RBM26: variants seen among roughly 807,000 people sequenced by gnomAD.
The protein encoded by RBM26 is RNA-binding protein 26.
Under a neutral mutation model 123.6 loss-of-function variants are expected in RBM26, and 30 were observed. That is an observed-to-expected ratio of 0.24 (90% CI 0.18 to 0.33). The LOEUF (loss-of-function observed/expected upper bound fraction) is 0.33. RBM26 is among the 10% of genes least tolerant of loss of function. RBM26 has a pLI of 1.00. For missense variants in RBM26, 947 were observed against 1,203.6 expected (o/e 0.79, Z 3.15); for synonymous variants, 400 against 404.4 (o/e 0.99, Z 0.13).
chr13:79,346,551 T>C (rs559640003), intron 14 of RBM26, among the ~76,000 whole-genome samples: 1 of 152,208 alleles, frequency 6.6e-6, no homozygotes, highest in South Asian at 2.1e-4. Context: ...GTTTTGTATT[T>C]TTTGTAGAGA....
At position 79,356,436 on chromosome 13, in the gene RBM26, T is replaced by A. The variant is rs538356268; in HGVS notation, c.1690-1052A>T. ...TGGAATCAAACTGCCTGGCTCAAAC[T>A]TTGGCAGCTACTCTCACATGAACAT... On this transcript the variant is annotated intron_variant, in intron 11 of 21. Coordinates refer to ENST00000438737, the MANE Select transcript of RBM26 (RefSeq NM_001366735.2). Among the ~76,000 whole-genome samples, 4 of 150,744 alleles carry A rather than the reference T, an allele frequency of 2.7e-5. No homozygotes were observed. The South Asian group carries it at 8.4e-4, about 32-fold the overall frequency.
At chr13:79,347,167 T>A (rs1348188886) in intron 14 of RBM26, among the ~76,000 whole-genome samples, 1 of 152,216 alleles carries the variant, frequency 6.6e-6, no homozygotes, top group African/African-American at 2.4e-5. Context: ...CCTTTATTCC[T>A]AGAAGTATTC....
intron 1 of RBM26, among the ~76,000 whole-genome samples, chr13:79,390,972 T>C (rs547637469): frequency 7.0e-4 from 107 of 152,322 alleles, no homozygotes; most frequent in African/African-American, 2.3e-3. Flanking sequence ...AGTATCTATT[T>C]AAGGTTGCAT....
intron 1 of RBM26, among the ~76,000 whole-genome samples, chr13:79,399,690 G>T (rs994010687): frequency 1.3e-5 from 2 of 152,092 alleles, no homozygotes; most frequent in African/African-American, 2.4e-5. Context: ...GAAAGGCCTA[G>T]AGATAAAAAC....
chr13:79,317,169 A>C (rs1176465160), downstream of RBM26, among the ~76,000 whole-genome samples: 13 of 151,800 alleles, frequency 8.6e-5, no homozygotes, highest in East Asian at 2.5e-3. Flanking sequence ...TCTATTTTAT[A>C]GGCTGAATGT....
chr13:79,399,301 T>C (rs2078865063), intron 1 of RBM26, among the ~76,000 whole-genome samples: 1 of 152,220 alleles, frequency 6.6e-6, no homozygotes, highest in Non-Finnish European at 1.5e-5. Flanking sequence ...TTACTAGCTA[T>C]GAATAAAGTA....
chr13:79,348,343 G>A (rs1244715185), intron 14 of RBM26, among the ~76,000 whole-genome samples: 1 of 151,916 alleles, frequency 6.6e-6, no homozygotes, highest in Non-Finnish European at 1.5e-5. Context: ...AGAGAGGGAG[G>A]TTACAATCCA....
intron 1 of RBM26, among the ~76,000 whole-genome samples, chr13:79,399,338 C>G (rs2078868430): frequency 6.6e-6 from 1 of 152,140 alleles, no homozygotes; most frequent in Non-Finnish European, 1.5e-5. Context: ...TAACACCTAT[C>G]TTGCACACAA....
chr13:79,318,252 G>GT (rs1260749338), downstream of RBM26, among the ~76,000 whole-genome samples: 1 of 122,792 alleles, frequency 8.1e-6, no homozygotes, highest in Non-Finnish European at 2.0e-5. Flanking sequence ...TCAACGTAGA[G>GT]TTAAAAAAAA....
At chr13:79,339,490 C>T (rs1418404703) in intron 18 of RBM26, among the ~76,000 whole-genome samples, 1 of 152,104 alleles carries the variant, frequency 6.6e-6, no homozygotes, top group Non-Finnish European at 1.5e-5. Context: ...CAATTCACAA[C>T]TTACACATAT....
chr13:79,322,195 A>G, intron 21 of RBM26, 154 bp downstream of exon 21: 1 of 442,038 alleles, frequency 2.3e-6, no homozygotes, highest in Non-Finnish European at 4.0e-6. Context: ...TTATCCAGAA[A>G]ATTTAAAGTT....
chr13:79,371,077 G>T lies in RBM26; in HGVS notation c.502C>A (p.Arg168=). 6.2e-7 allele frequency: 1 copy of T among 1,613,910 alleles called. No individual in the cohort carries two copies. The highest frequency in any genetic ancestry group is 8.5e-7 in the Non-Finnish European group (1 of 1,179,960). Residue 168 remains arginine (R), a synonymous_variant, in exon 5 of 22, where the codon CGG becomes AGG. Coordinates refer to ENST00000438737, the MANE Select transcript of RBM26 (RefSeq NM_001366735.2). Reference sequence around the variant, plus strand: ...CTCCGCCCTCGTCTTCTATTGTACCGGTCTCTGTATGAATCTCTTCGAGGA... The same window carrying T: ...CTCCGCCCTCGTCTTCTATTGTACCTGTCTCTGTATGAATCTCTTCGAGGA... ...NPPRRDSYRD[R]YNRRRGRSRS... is the part of the protein sequence containing the mutation.
At chr13:79,331,551 A>G (rs1395457826) in intron 20 of RBM26, among the ~76,000 whole-genome samples, 2 of 151,550 alleles carry the variant, frequency 1.3e-5, no homozygotes, top group African/African-American at 4.8e-5. Context: ...GGAGAATGGC[A>G]TGAAGCCAAG....
intron 1 of RBM26, among the ~76,000 whole-genome samples, chr13:79,385,459 GTAATTA>G (rs1332629868): frequency 6.6e-6 from 1 of 152,100 alleles, no homozygotes; most frequent in Non-Finnish European, 1.5e-5. Flanking sequence ...CACAATACAT[GTAATTA>G]TAACACTGAA....
chr13:79,370,075 T>G (rs1246678158), intron 5 of RBM26, among the ~76,000 whole-genome samples: 2 of 152,142 alleles, frequency 1.3e-5, no homozygotes, highest in African/African-American at 4.8e-5. Context: ...TTTGGGAGGC[T>G]GAGGCGGGTG....
chr13:79,325,183 C>T (rs1032520864), intron 20 of RBM26, among the ~76,000 whole-genome samples: 1 of 152,036 alleles, frequency 6.6e-6, no homozygotes, highest in African/African-American at 2.4e-5. Context: ...TGGTGGCAAA[C>T]GACTGTTACT....
At chr13:79,367,451 G>T (rs1304330403) in intron 6 of RBM26, among the ~76,000 whole-genome samples, 1 of 133,288 alleles carries the variant, frequency 7.5e-6, no homozygotes, top group Non-Finnish European at 1.7e-5. Flanking sequence ...AGAGGCAAAA[G>T]AGAGAAATGT....
chr13:79,347,141 T>G (rs185511807), intron 14 of RBM26, among the ~76,000 whole-genome samples: 108 of 152,342 alleles, frequency 7.1e-4, no homozygotes, highest in African/African-American at 2.4e-3. Flanking sequence ...TAAAAGTATC[T>G]GACAATGATA....
intron 18 of RBM26, among the ~76,000 whole-genome samples, chr13:79,337,761 T>C (rs1388282984): frequency 6.6e-6 from 1 of 151,894 alleles, no homozygotes; most frequent in Non-Finnish European, 1.5e-5. Context: ...TACTTATCAC[T>C]AACATCATTA....
Sources: gnomAD v4.1 joint callset for allele counts (sites outside exome capture counted in the v4.1 genomes callset) on GRCh38, gnomAD v4.1.1 for gene constraint, MANE v1.5 for transcripts, NCBI Gene and HGNC (gene_info 2026-07-23, HGNC 2026-07-21) for gene names.